Variants in ASIP observed in about 807,000 individuals in gnomAD.
The protein encoded by ASIP is agouti-signaling protein.
ASIP carries 11 observed loss-of-function variants against 10.3 expected under a neutral mutation model. That is an observed-to-expected ratio of 1.07 (90% confidence interval 0.68 to 1.78). ASIP has a LOEUF of 1.78. Ranked by LOEUF, ASIP falls within the 40% of genes most tolerant of loss-of-function variation. The pLI is 0.00. For synonymous variants in ASIP, 70 were observed against 70.8 expected (o/e 0.99, Z 0.06); for missense variants, 180 against 169.2 (o/e 1.06, Z -0.35).
chr20:34,218,088 G>C (rs2035021829), intron 1 of ASIP, among the ~76,000 whole-genome samples: 1 of 152,214 alleles, frequency 6.6e-6, no homozygotes, highest in African/African-American at 2.4e-5. Flanking sequence ...TTCTCAGCAA[G>C]ATGTTTGAAA....
intron 1 of ASIP, among the ~76,000 whole-genome samples, chr20:34,245,711 A>G (rs1000786838): frequency 6.6e-6 from 1 of 152,042 alleles, no homozygotes; most frequent in Non-Finnish European, 1.5e-5. Flanking sequence ...TTTTTATTTG[A>G]CTAAATTCTA....
intron 1 of ASIP, among the ~76,000 whole-genome samples, chr20:34,212,837 A>G (rs1177517820): frequency 1.3e-5 from 2 of 152,144 alleles, no homozygotes; most frequent in Non-Finnish European, 2.9e-5. Context: ...TGTAGGGGAA[A>G]TACTTTAAGA....
chr20:34,213,043 T>A (rs79839738), intron 1 of ASIP, among the ~76,000 whole-genome samples: 2,313 of 152,322 alleles, frequency 0.015, 32 homozygotes, highest in Non-Finnish European at 0.026. Context: ...TTAAACTTAG[T>A]TGCCATTGTA....
chr20:34,245,415 G>A (rs2035356663), intron 1 of ASIP, among the ~76,000 whole-genome samples: 2 of 150,298 alleles, frequency 1.3e-5, no homozygotes, highest in African/African-American at 4.9e-5. Context: ...TTTAGACAGA[G>A]TCTCACTCTG....
chr20:34,226,934 C>A (rs574502304), intron 1 of ASIP, among the ~76,000 whole-genome samples: 1 of 152,074 alleles, frequency 6.6e-6, no homozygotes, highest in Non-Finnish European at 1.5e-5. Flanking sequence ...CAATAAGGAA[C>A]AAGGCAAGGA....
chr20:34,220,015 G>A lies in ASIP; in HGVS notation c.-11+25255G>A, dbSNP rs371142546. On this transcript the variant is annotated intron_variant, in intron 1 of 3. Transcript: ENST00000568305. ...TGAGGCAGGAGAATGGCATGAACCC[G>A]GGAAGCGGAGCTTGCAGTGAGCCGA... Among the ~76,000 whole-genome samples the A allele has an allele frequency of 9.2e-5, 14 of 152,086 alleles. No individual in the cohort carries two copies. The East Asian group carries it at 1.4e-3, about 15-fold the overall frequency.
At chr20:34,199,231 G>A (rs1006566257) in intron 1 of ASIP, among the ~76,000 whole-genome samples, 3 of 151,926 alleles carry the variant, frequency 2.0e-5, no homozygotes, top group Non-Finnish European at 2.9e-5. Context: ...TTGTCTTATT[G>A]ATGGACACAT....
Position 34,255,729 on chromosome 20 carries a change from G to A in ASIP, c.-10-4636G>A, listed in dbSNP as rs1464753738. Reference sequence around the variant, plus strand: ...GTGAGCAAGTGACCAGAAGACAAGAGTGTGAGCCCTCTGTTACGCCCGGAC... The same window carrying A: ...GTGAGCAAGTGACCAGAAGACAAGAATGTGAGCCCTCTGTTACGCCCGGAC... On this transcript the variant is annotated intron_variant, in intron 1 of 3. Transcript: ENST00000374954. Among the ~76,000 whole-genome samples the A allele has an allele frequency of 5.3e-5, 8 of 152,230 alleles. No homozygotes were observed. The East Asian group carries it at 1.5e-3, about 29-fold the overall frequency.
At chr20:34,220,699 C>A (rs527409176) in intron 1 of ASIP, among the ~76,000 whole-genome samples, 89 of 152,128 alleles carry the variant, frequency 5.9e-4, no homozygotes, top group African/African-American at 2.1e-3. Context: ...GACTCCTGAA[C>A]TGACATAGGG....
intron 1 of ASIP, among the ~76,000 whole-genome samples, chr20:34,227,359 A>G (rs1028242471): frequency 4.6e-5 from 7 of 152,172 alleles, no homozygotes; most frequent in Non-Finnish European, 8.8e-5. Context: ...CAGGCTGGGC[A>G]CAGTGGCTCA....
intron 1 of ASIP, among the ~76,000 whole-genome samples, chr20:34,208,843 G>A (rs370366877): frequency 2.4e-4 from 36 of 152,180 alleles, no homozygotes; most frequent in African/African-American, 6.7e-4. Context: ...TTCTTTGGTC[G>A]TTTATGCCTA....
At chr20:34,265,876 G>T (rs1301532828) in intron 3 of ASIP, among the ~76,000 whole-genome samples, 1 of 151,108 alleles carries the variant, frequency 6.6e-6, no homozygotes, top group Non-Finnish European at 1.5e-5. Flanking sequence ...CTTGAACCTG[G>T]AAGGCAGAGG....
chr20:34,230,694 G>T (rs1436477794), intron 1 of ASIP, among the ~76,000 whole-genome samples: 2 of 24,334 alleles, frequency 8.2e-5, no homozygotes, highest in Non-Finnish European at 1.3e-4. Flanking sequence ...CTCACCTCCC[G>T]GAAGGGGCGG....
chr20:34,246,591 G>A (rs2035379859), intron 1 of ASIP: 2 of 710,496 alleles, frequency 2.8e-6, no homozygotes, highest in East Asian at 2.8e-5. Context: ...CAGCCTCCTA[G>A]GACCACAGGC....
chr20:34,193,016 C>T (rs6059711), upstream of ASIP, among the ~76,000 whole-genome samples: 21,537 of 152,134 alleles, frequency 0.14, 1,583 homozygotes, highest in East Asian at 0.24. Flanking sequence ...TATAGTTGCC[C>T]TTTTGTGCTA....
At chr20:34,201,032 C>CT (rs1555820878) in intron 1 of ASIP, among the ~76,000 whole-genome samples, 2 of 97,012 alleles carry the variant, frequency 2.1e-5, no homozygotes, top group African/African-American at 5.5e-5. Flanking sequence ...TTCTTTCTTT[C>CT]TTTCTTTCTT....
At chr20:34,196,851 G>A (rs770317682) in intron 1 of ASIP, among the ~76,000 whole-genome samples, 1 of 152,162 alleles carries the variant, frequency 6.6e-6, no homozygotes, top group African/African-American at 2.4e-5. Flanking sequence ...ACAAAGGTAG[G>A]ATCCAGCTAT....
chr20:34,199,003 T>TCCA (rs2034876134), intron 1 of ASIP, among the ~76,000 whole-genome samples: 1 of 152,080 alleles, frequency 6.6e-6, no homozygotes, highest in Non-Finnish European at 1.5e-5. Context: ...ATTTTGCCTG[T>TCCA]TTGGGGGCTT....
At chr20:34,248,963 C>CAAA (rs60237416) in intron 1 of ASIP, among the ~76,000 whole-genome samples, 6 of 129,336 alleles carry the variant, frequency 4.6e-5, no homozygotes, top group African/African-American at 1.4e-4. Context: ...ACCAAAAATA[C>CAAA]AAAAAAAAAA....
Sources: gnomAD v4.1 joint callset for allele counts (sites outside exome capture counted in the v4.1 genomes callset) on GRCh38, gnomAD v4.1.1 for gene constraint, MANE v1.5 for transcripts, NCBI Gene and HGNC (gene_info 2026-07-23, HGNC 2026-07-21) for gene names.